Variants in MARCHF8 observed in about 807,000 individuals in gnomAD.
MARCHF8 encodes membrane associated ring-CH-type finger 8, also known as E3 ubiquitin-protein ligase MARCHF8.
MARCHF8 carries 40 observed loss-of-function variants against 51.6 expected under a neutral mutation model. The ratio of observed to expected loss-of-function variants is 0.77; its 90% CI spans 0.60 to 1.01. The LOEUF is 1.01. Ranked by LOEUF, MARCHF8 falls within the 50% of genes least tolerant of loss-of-function variation. MARCHF8 has a pLI of 0.00. For synonymous variants in MARCHF8, 263 were observed against 280.3 expected (o/e 0.94, Z 0.62); for missense variants, 685 against 708.6 (o/e 0.97, Z 0.38).
chr10:45,580,223 G>T (rs889815818), intron 1 of MARCHF8, among the ~76,000 whole-genome samples: 1 of 151,954 alleles, frequency 6.6e-6, no homozygotes, highest in Non-Finnish European at 1.5e-5. Flanking sequence ...GCAGTCATTA[G>T]AAGTTATTTA....
chr10:45,579,165 C>T (rs1056677114), intron 1 of MARCHF8, among the ~76,000 whole-genome samples: 1 of 152,094 alleles, frequency 6.6e-6, no homozygotes, highest in Non-Finnish European at 1.5e-5. Context: ...ACTTATACAA[C>T]TTAAACTCAA....
chr10:45,511,338 A>G (rs2043497466), intron 2 of MARCHF8, among the ~76,000 whole-genome samples: 1 of 152,134 alleles, frequency 6.6e-6, no homozygotes, highest in Non-Finnish European at 1.5e-5. Context: ...GTCAGAATTC[A>G]TTTGCTGTAA....
chr10:45,516,132 T>C (rs1265541253), intron 2 of MARCHF8, among the ~76,000 whole-genome samples: 1 of 152,170 alleles, frequency 6.6e-6, no homozygotes, highest in African/African-American at 2.4e-5. Flanking sequence ...CTTCTTCCAC[T>C]TCCTGTTCTC....
At chr10:45,562,671 AAT>A (rs1270514589) in intron 1 of MARCHF8, among the ~76,000 whole-genome samples, 4 of 152,218 alleles carry the variant, frequency 2.6e-5, no homozygotes, top group Non-Finnish European at 2.9e-5. Flanking sequence ...ACTTCAAAAG[AAT>A]ATACTGTAGC....
chr10:45,497,388 C>A (rs1043743517), intron 2 of MARCHF8, among the ~76,000 whole-genome samples: 2 of 151,990 alleles, frequency 1.3e-5, no homozygotes, highest in South Asian at 2.1e-4. Context: ...AATGAACAGC[C>A]GAGCTATGTA....
At chr10:45,507,351 A>C (rs2043404970) in intron 2 of MARCHF8, among the ~76,000 whole-genome samples, 1 of 152,202 alleles carries the variant, frequency 6.6e-6, no homozygotes, top group African/African-American at 2.4e-5. Flanking sequence ...AGGCTGGGTA[A>C]TTTATAAAGA....
chr10:45,555,220 A>G (rs2044238426), intron 1 of MARCHF8, among the ~76,000 whole-genome samples: 1 of 150,964 alleles, frequency 6.6e-6, no homozygotes, highest in African/African-American at 2.4e-5. Context: ...CAAAAGCAAC[A>G]CTCTTGTCTC....
intron 1 of MARCHF8, among the ~76,000 whole-genome samples, chr10:45,543,068 G>A (rs539787772): frequency 6.6e-6 from 1 of 152,260 alleles, no homozygotes; most frequent in East Asian, 1.9e-4. Context: ...GTACAGTAAG[G>A]TCTACAATGC....
intron 1 of MARCHF8, among the ~76,000 whole-genome samples, chr10:45,562,027 A>T (rs1425667214): frequency 6.6e-6 from 1 of 152,166 alleles, no homozygotes. Context: ...TGAAAACCAA[A>T]TGAGTTAATT....
intron 1 of MARCHF8, among the ~76,000 whole-genome samples, chr10:45,567,602 T>C (rs2044379456): frequency 6.6e-6 from 1 of 152,214 alleles, no homozygotes; most frequent in Non-Finnish European, 1.5e-5. Context: ...TGTGGATTTA[T>C]TTCTGGGTTC....
In MARCHF8 at chr10:45,479,274, C is replaced by A. The variant is rs146607707; in HGVS notation, c.153+10093G>T. Among the ~76,000 whole-genome samples the A allele has an allele frequency of 5.6e-3, 859 of 152,272 alleles. 10 individuals are homozygous for A. Among genetic ancestry groups the A allele is most frequent in the African/African-American group, 0.02 (822 of 41,548 alleles). ...ATCATCTCAATAGAAGCAGAAAAGG[C>A]ATTTGGTAAAATTCAACATTCCTTC... On this transcript the variant is annotated intron_variant, in intron 3 of 7. Transcript: ENST00000453424.
chr10:45,498,477 TC>T (rs2043215479), intron 2 of MARCHF8, among the ~76,000 whole-genome samples: 2 of 145,662 alleles, frequency 1.4e-5, no homozygotes, highest in African/African-American at 2.5e-5. Context: ...GTAGCATGTG[TC>T]AGAAGCCTTT....
At chr10:45,512,503 G>A (rs565619056) in intron 2 of MARCHF8, among the ~76,000 whole-genome samples, 23 of 141,448 alleles carry the variant, frequency 1.6e-4, no homozygotes, top group African/African-American at 4.0e-4. Context: ...CCGGCCAGCC[G>A]CCCAGTCCGG....
chr10:45,485,016 G>C (rs2042955018), intron 3 of MARCHF8, among the ~76,000 whole-genome samples: 1 of 152,210 alleles, frequency 6.6e-6, no homozygotes, highest in Non-Finnish European at 1.5e-5. Flanking sequence ...TTCTTGAGAA[G>C]CTACTGCAGG....
chr10:45,518,847 T>C (rs540317128), intron 2 of MARCHF8, among the ~76,000 whole-genome samples: 5 of 152,188 alleles, frequency 3.3e-5, no homozygotes, highest in African/African-American at 9.7e-5. Flanking sequence ...CATCCTATCA[T>C]TGCTCTTGGC....
chr10:45,591,467 C>CA (rs368744441), intron 1 of MARCHF8, among the ~76,000 whole-genome samples: 98 of 124,312 alleles, frequency 7.9e-4, no homozygotes, highest in South Asian at 1.6e-3. Context: ...AACTCTGTCT[C>CA]AAAAAAAAAA....
intron 1 of MARCHF8, among the ~76,000 whole-genome samples, chr10:45,575,449 CA>C (rs2044478686): frequency 6.6e-6 from 1 of 152,134 alleles, no homozygotes; most frequent in African/African-American, 2.4e-5. Flanking sequence ...TCAATTCATA[CA>C]AAACCATATC....
chr10:45,484,103 A>G (rs903094727), intron 3 of MARCHF8, among the ~76,000 whole-genome samples: 1 of 152,192 alleles, frequency 6.6e-6, no homozygotes, highest in African/African-American at 2.4e-5. Flanking sequence ...ACAGTGAGGG[A>G]CACCCCAAAT....
At chr10:45,465,034 G>A (rs1212293337) in intron 3 of MARCHF8, among the ~76,000 whole-genome samples, 1 of 152,156 alleles carries the variant, frequency 6.6e-6, no homozygotes, top group Non-Finnish European at 1.5e-5. Context: ...CTCTGGGGTG[G>A]TGAATAGTCA....
Sources: gnomAD v4.1 joint callset for allele counts (sites outside exome capture counted in the v4.1 genomes callset) on GRCh38, gnomAD v4.1.1 for gene constraint, MANE v1.5 for transcripts, NCBI Gene and HGNC (gene_info 2026-07-23, HGNC 2026-07-21) for gene names.